Variants in FOXO3 observed in about 807,000 individuals in gnomAD.
FOXO3 encodes forkhead box O3.
A neutral mutation model predicts 41.9 loss-of-function variants in FOXO3; 4 were observed. The ratio of observed to expected loss-of-function variants is 0.10; its 90% CI spans 0.05 to 0.22. The LOEUF is 0.22. Ranked by LOEUF, FOXO3 falls within the 10% of genes least tolerant of loss-of-function variation. The probability of loss-of-function intolerance (pLI) is 1.00; values close to 1 mark genes in which losing one functional copy is unlikely to be tolerated. For synonymous variants in FOXO3, 318 were observed against 389.3 expected, an observed-to-expected ratio of 0.82 and a Z score of 2.16; for missense variants, 534 against 906.8, an observed-to-expected ratio of 0.59 and a Z score of 5.28.
intron 1 of FOXO3, among the ~76,000 whole-genome samples, chr6:108,650,504 A>G (rs1291962534): frequency 1.3e-5 from 2 of 152,244 alleles, no homozygotes; most frequent in African/African-American, 4.8e-5. Context: ...TAGATATTAC[A>G]CTACTGATGC....
chr6:108,610,386 A>G lies in FOXO3; in HGVS notation c.621+48557A>G, dbSNP rs534645955. ...GAAAATTTGCCTCACAAGAAACTCA[A>G]TAGAATTAAAAGGAGAGGATTCAGT... On this transcript the variant is annotated intron_variant, in intron 1 of 2. Coordinates refer to ENST00000406360, the MANE Select transcript of FOXO3 (RefSeq NM_001455.4). 9.2e-5 allele frequency among the ~76,000 whole-genome samples: 14 copies of G among 152,292 alleles called. No homozygotes were observed. The South Asian group carries it at 2.5e-3, about 27-fold the overall frequency.
chr6:108,571,514 C>G (rs1469404817), intron 1 of FOXO3, among the ~76,000 whole-genome samples: 1 of 152,100 alleles, frequency 6.6e-6, no homozygotes, highest in African/African-American at 2.4e-5. Context: ...TAGGGTGGGT[C>G]CTAAATCCAG....
intron 1 of FOXO3, among the ~76,000 whole-genome samples, chr6:108,598,859 G>A (rs965660681): frequency 9.2e-5 from 14 of 152,164 alleles, no homozygotes; most frequent in African/African-American, 3.4e-4. Context: ...ATTGGAGACT[G>A]CCCACCCAGG....
intron 1 of FOXO3, among the ~76,000 whole-genome samples, chr6:108,615,823 T>C (rs1056486327): frequency 4.6e-5 from 7 of 152,156 alleles, no homozygotes; most frequent in Non-Finnish European, 1.0e-4. Flanking sequence ...TTGTGTCTTA[T>C]AATTTACTGA....
At chr6:108,611,669 G>T in intron 1 of FOXO3, among the ~76,000 whole-genome samples, 1 of 146,964 alleles carries the variant, frequency 6.8e-6, no homozygotes, top group African/African-American at 2.5e-5. Context: ...TATCTTCTTT[G>T]GTGACGTGTC....
intron 1 of FOXO3, among the ~76,000 whole-genome samples, chr6:108,570,428 TGA>T (rs1776066905): frequency 6.6e-6 from 1 of 152,062 alleles, no homozygotes; most frequent in Non-Finnish European, 1.5e-5. Context: ...TAGAGAGCTA[TGA>T]TCCTCCTGCC....
At chr6:108,590,239 T>C (rs567649030) in intron 1 of FOXO3, among the ~76,000 whole-genome samples, 1 of 151,994 alleles carries the variant, frequency 6.6e-6, no homozygotes, top group East Asian at 1.9e-4. Flanking sequence ...TCCTGCCACC[T>C]CAGCCTCCTG....
At chr6:108,611,565 T>C (rs1319993393) in intron 1 of FOXO3, among the ~76,000 whole-genome samples, 1 of 152,244 alleles carries the variant, frequency 6.6e-6, no homozygotes, top group African/African-American at 2.4e-5. Flanking sequence ...CATTGTATAA[T>C]GTAGTGGTAG....
chr6:108,578,428 T>C (rs1044537309), intron 1 of FOXO3, among the ~76,000 whole-genome samples: 18 of 152,242 alleles, frequency 1.2e-4, no homozygotes, highest in African/African-American at 4.1e-4. Flanking sequence ...TGTTGAAATA[T>C]AACAAAGCTC....
chr6:108,604,794 T>C (rs571576152), intron 1 of FOXO3, among the ~76,000 whole-genome samples: 11 of 152,256 alleles, frequency 7.2e-5, no homozygotes, highest in African/African-American at 2.6e-4. Context: ...TGTCTAAGCT[T>C]AAGTTTATCC....
In FOXO3 at chr6:108,615,093, G is replaced by A. The variant is rs114230747; in HGVS notation, c.622-48362G>A. The stretch of plus-strand genomic sequence containing the variant: ...ATTTTCTTCTACATGTATGTTATAA[G>A]CCCCAGAATATATTGTTATTTTTGC... On this transcript the variant is annotated intron_variant, in intron 1 of 2. Coordinates refer to ENST00000406360, the MANE Select transcript of FOXO3 (RefSeq NM_001455.4). 9.5e-3 allele frequency among the ~76,000 whole-genome samples: 1,451 copies of A among 151,950 alleles called. 24 individuals carry two copies. Among genetic ancestry groups the A allele is most frequent in the African/African-American group, 0.033 (1,374 of 41,456 alleles).
At chr6:108,618,412 A>G in intron 1 of FOXO3, 1 of 475,754 alleles carries the variant, frequency 2.1e-6, no homozygotes. Flanking sequence ...AAGGAGAGGG[A>G]ATTTTACTTC....
chr6:108,627,862 C>A (rs1777856776), intron 1 of FOXO3, among the ~76,000 whole-genome samples: 1 of 152,140 alleles, frequency 6.6e-6, no homozygotes, highest in African/African-American at 2.4e-5. Flanking sequence ...GACTCAGTGA[C>A]TTCTTCCATT....
intron 1 of FOXO3, among the ~76,000 whole-genome samples, chr6:108,602,745 A>T (rs1297168074): frequency 2.0e-5 from 3 of 152,182 alleles, no homozygotes; most frequent in Non-Finnish European, 2.9e-5. Context: ...AATATAAGCA[A>T]TATAGATGAT....
At chr6:108,577,775 A>G (rs1776302120) in intron 1 of FOXO3, among the ~76,000 whole-genome samples, 1 of 152,210 alleles carries the variant, frequency 6.6e-6, no homozygotes. Flanking sequence ...TCTCCTCCAT[A>G]GGAAGCTCCA....
chr6:108,560,800 C>T (rs1775755416), upstream of FOXO3: 1 of 357,910 alleles, frequency 2.8e-6, no homozygotes, highest in East Asian at 5.0e-5. Context: ...CCTCCCCCTT[C>T]TCCCCGCCCC....
At chr6:108,638,642 G>GC (rs1356468319) in intron 1 of FOXO3, among the ~76,000 whole-genome samples, 1 of 152,148 alleles carries the variant, frequency 6.6e-6, no homozygotes, top group African/African-American at 2.4e-5. Context: ...TTCTCCCACT[G>GC]CCCCAGCAGT....
chr6:108,675,094 A>AGATAGGGATTTATCTGTCCCTATCTCT (rs892588516), intron 2 of FOXO3, among the ~76,000 whole-genome samples: 3 of 152,294 alleles, frequency 2.0e-5, no homozygotes, highest in Non-Finnish European at 4.4e-5. Context: ...ATAAAGTCAG[A>AGATAGGGATTTATCTGTCCCTATCTCT]GATAGGGATT....
intron 1 of FOXO3, among the ~76,000 whole-genome samples, chr6:108,593,350 A>G (rs1428116337): frequency 1.3e-5 from 2 of 152,322 alleles, no homozygotes; most frequent in African/African-American, 4.8e-5. Context: ...GGAGAAGGAA[A>G]AGTAAATATT....
Sources: allele counts gnomAD v4.1 joint callset (sites outside exome capture counted in the v4.1 genomes callset), GRCh38; gene constraint gnomAD v4.1.1; transcripts MANE v1.5; gene names NCBI Gene and HGNC (gene_info 2026-07-23, HGNC 2026-07-21).